CAMTA1: variants seen among roughly 807,000 people sequenced by gnomAD.
CAMTA1 encodes calmodulin-binding transcription activator 1.
CAMTA1 carries 27 observed loss-of-function variants against 170.9 expected under a neutral mutation model. The ratio of observed to expected loss-of-function variants is 0.16; its 90% confidence interval spans 0.12 to 0.22. CAMTA1 has a LOEUF of 0.22. Among genes scored for constraint, CAMTA1 ranks in the 10% least tolerant of loss-of-function variants. CAMTA1 has a pLI of 1.00. For missense variants in CAMTA1, 1,619 were observed against 2,217.2 expected, an observed-to-expected ratio of 0.73 and a Z score of 5.42; for synonymous variants, 833 against 891.5, an observed-to-expected ratio of 0.93 and a Z score of 1.17.
chr1:7,648,391 CAA>C (rs553719319), intron 7 of CAMTA1, among the ~76,000 whole-genome samples: 24 of 112,684 alleles, frequency 2.1e-4, no homozygotes, highest in African/African-American at 1.9e-4. Context: ...GACTCCACCT[CAA>C]AAAAAAAAAA....
At chr1:7,267,175 A>G (rs1309377814) in intron 5 of CAMTA1, among the ~76,000 whole-genome samples, 2 of 152,180 alleles carry the variant, frequency 1.3e-5, no homozygotes, top group African/African-American at 2.4e-5. Context: ...TAAAAGTGCC[A>G]TGATTTGGAG....
intron 3 of CAMTA1, among the ~76,000 whole-genome samples, chr1:6,905,524 G>A (rs1678244968): frequency 6.6e-6 from 1 of 151,954 alleles, no homozygotes; most frequent in Admixed American, 6.6e-5. Context: ...ATCCACCTCT[G>A]TCTTGCCCCA....
chr1:7,568,658 C>T (rs887878646), intron 6 of CAMTA1, among the ~76,000 whole-genome samples: 9 of 150,776 alleles, frequency 6.0e-5, no homozygotes, highest in Admixed American at 1.3e-4. Flanking sequence ...CCATCAACAT[C>T]GCCATCATCA....
intron 5 of CAMTA1, among the ~76,000 whole-genome samples, chr1:7,366,814 T>C (rs845270): frequency 0.64 from 97,090 of 152,094 alleles, 32,536 homozygotes; most frequent in Middle Eastern, 0.76. Flanking sequence ...GCTCTGTCTG[T>C]GGGTTCCCTC....
At chr1:7,242,235 A>G (rs749560781) in intron 4 of CAMTA1, among the ~76,000 whole-genome samples, 25 of 152,270 alleles carry the variant, frequency 1.6e-4, no homozygotes, top group East Asian at 9.6e-4. Context: ...AATTAAAACC[A>G]CAATACACTC....
chr1:7,197,713 C>T (rs1011377499), intron 4 of CAMTA1, among the ~76,000 whole-genome samples: 14 of 151,180 alleles, frequency 9.3e-5, no homozygotes, highest in East Asian at 2.0e-4. Context: ...ATTTCATTGA[C>T]GCTTCCCAAC....
chr1:7,096,073 C>G (rs527762825), intron 4 of CAMTA1, among the ~76,000 whole-genome samples: 1 of 152,298 alleles, frequency 6.6e-6, no homozygotes, highest in African/African-American at 2.4e-5. Context: ...AGCACCTCCA[C>G]ATGGAAGCAC....
chr1:7,106,274 A>AG (rs1643579495), intron 4 of CAMTA1, among the ~76,000 whole-genome samples: 1 of 148,308 alleles, frequency 6.7e-6, no homozygotes, highest in African/African-American at 2.6e-5. Flanking sequence ...GAGAGAGAGA[A>AG]AGAAAGAAGG....
rs542875425 is a variant in CAMTA1 at position 7,609,098 on chromosome 1, G to A, written c.511-31302G>A. On this transcript the variant is annotated intron_variant, in intron 6 of 22. Coordinates refer to ENST00000303635, the MANE Select transcript of CAMTA1 (RefSeq NM_015215.4). This position sits in a 1 kb window ranked among gnomAD's most constrained non-coding sequence, Gnocchi z 4.4. ...CTGAGTCACTTCCTGCCAGAGGACA[G>A]GGTCTGAACTCCCAGGACATTCTGG... is the stretch of plus-strand genomic sequence containing the variant. Among the ~76,000 whole-genome samples, 1 of 152,176 alleles carries A rather than the reference G, an allele frequency of 6.6e-6. No homozygotes were observed. Among genetic ancestry groups the A allele is most frequent in the Non-Finnish European group, 1.5e-5 (1 of 68,030 alleles).
chr1:7,665,332 T>G lies in CAMTA1; in HGVS notation c.2652+133T>G, dbSNP rs2095991822. 2 of 663,136 alleles carry G rather than the reference T, an allele frequency of 3.0e-6. No homozygotes were observed. Among genetic ancestry groups the G allele is most frequent in the African/African-American group, 1.8e-5 (1 of 54,400 alleles). The allele number at this position is 663,136 out of a possible 1,614,324, so 41.1% of individuals were successfully genotyped here. On this transcript the variant is annotated intron_variant, in intron 9 of 22. Coordinates refer to ENST00000303635, the MANE Select transcript of CAMTA1 (RefSeq NM_015215.4). This position sits in a 1 kb window ranked among gnomAD's most constrained non-coding sequence, Gnocchi z 4.3. ...GCTCTGGACCACAAAGATGATGCTT[T>G]CCCCTCCTTGTGTCCCCACGGCGCT...
intron 4 of CAMTA1, among the ~76,000 whole-genome samples, chr1:7,114,470 A>AC (rs1644248093): frequency 6.6e-6 from 1 of 151,790 alleles, no homozygotes; most frequent in South Asian, 2.1e-4. Flanking sequence ...AAAGAGAATC[A>AC]CAAAAAAACT....
At chr1:7,126,099 T>G (rs971048694) in intron 4 of CAMTA1, among the ~76,000 whole-genome samples, 15 of 152,000 alleles carry the variant, frequency 9.9e-5, no homozygotes, top group African/African-American at 3.6e-4. Flanking sequence ...ACCATCAGAT[T>G]CCATGAGACT....
chr1:7,129,402 G>A (rs1370750150), intron 4 of CAMTA1, among the ~76,000 whole-genome samples: 2 of 151,808 alleles, frequency 1.3e-5, no homozygotes, highest in Non-Finnish European at 2.9e-5. Flanking sequence ...TTTTCCTCTG[G>A]GTCTGCTCTG....
intron 4 of CAMTA1, among the ~76,000 whole-genome samples, chr1:7,143,763 A>C (rs1646021834): frequency 6.6e-6 from 1 of 152,236 alleles, no homozygotes; most frequent in South Asian, 2.1e-4. Flanking sequence ...GTTGACTTTT[A>C]GGGATTCAGA....
At chr1:7,462,978 A>C (rs2093126220) in intron 5 of CAMTA1, among the ~76,000 whole-genome samples, 1 of 152,136 alleles carries the variant, frequency 6.6e-6, no homozygotes, top group Admixed American at 6.5e-5. Flanking sequence ...GGGCTCCTGG[A>C]GGGGGACCTG....
At chr1:7,746,186 CT>C (rs2096855898) in intron 18 of CAMTA1, 95 bp downstream of exon 18, 4 of 1,417,338 alleles carry the variant, frequency 2.8e-6, no homozygotes, top group Non-Finnish European at 2.9e-6. Context: ...TTTACTATTT[CT>C]TTTTTTCCTC....
At chr1:7,524,557 C>T (rs2094407902) in intron 6 of CAMTA1, among the ~76,000 whole-genome samples, 2 of 152,160 alleles carry the variant, frequency 1.3e-5, no homozygotes, top group Non-Finnish European at 2.9e-5. Flanking sequence ...CATTCCTCAT[C>T]TGTGGAAGAG....
At chr1:7,663,300 G>A in intron 8 of CAMTA1, 53 bp from the exon 9 acceptor site, 1 of 1,507,820 alleles carries the variant, frequency 6.6e-7, no homozygotes, top group Non-Finnish European at 8.9e-7. Context: ...GCATGTGTGT[G>A]TGCACATGTG....
At chr1:6,803,581 A>G (rs1644147431) in intron 1 of CAMTA1, among the ~76,000 whole-genome samples, 3 of 152,254 alleles carry the variant, frequency 2.0e-5, no homozygotes, top group South Asian at 4.1e-4. Context: ...TTGATGTTTC[A>G]TAGTGTTGAC....
Sources: allele counts gnomAD v4.1 joint callset (sites outside exome capture counted in the v4.1 genomes callset), GRCh38; gene constraint gnomAD v4.1.1; non-coding constraint Gnocchi (gnomAD v3.1); transcripts MANE v1.5; gene names NCBI Gene and HGNC (gene_info 2026-07-23, HGNC 2026-07-21).